DNAH3: variants seen among roughly 807,000 people sequenced by gnomAD.
The protein encoded by DNAH3 is dynein axonemal heavy chain 3, also known as axonemal beta dynein heavy chain 3.
A neutral mutation model predicts 432.5 loss-of-function variants in DNAH3; 332 were observed. The ratio of observed to expected loss-of-function variants is 0.77; its 90% CI spans 0.70 to 0.84. The LOEUF (loss-of-function observed/expected upper bound fraction) is 0.84. Among genes scored for constraint, DNAH3 ranks in the 40% least tolerant of loss-of-function variants. The pLI is 0.00. For synonymous variants in DNAH3, 1,956 were observed against 1,900.2 expected (o/e 1.03, Z -0.76); for missense variants, 4,861 against 5,114.0 (o/e 0.95, Z 1.51).
chr16:21,069,301 T>C (rs2090692381), intron 23 of DNAH3, 114 bp downstream of exon 23: 1 of 934,292 alleles, frequency 1.1e-6, no homozygotes, highest in Non-Finnish European at 1.7e-6. Context: ...TATAAAAAGA[T>C]TGATTTTCCA....
intron 3 of DNAH3, among the ~76,000 whole-genome samples, chr16:21,143,494 C>T (rs1367458451): frequency 2.0e-5 from 3 of 152,136 alleles, no homozygotes; most frequent in Non-Finnish European, 2.9e-5. Context: ...TTTACAGACT[C>T]CAGAACCACA....
At chr16:20,935,364 A>T (rs1338723158) in exon 61 of DNAH3, 1 of 1,613,854 alleles carries the variant, frequency 6.2e-7, no homozygotes, top group African/African-American at 1.3e-5. Context: ...CTCAAATCCA[A>T]TGTGGTCAAT....
At chr16:21,154,786 C>A (rs982495537) in intron 1 of DNAH3, among the ~76,000 whole-genome samples, 1 of 152,144 alleles carries the variant, frequency 6.6e-6, no homozygotes, top group Admixed American at 6.5e-5. Flanking sequence ...TACATGTAAT[C>A]TGAGGAAAGG....
At chr16:21,060,222 G>T in intron 26 of DNAH3, 42 bp downstream of exon 26, 1 of 1,486,372 alleles carries the variant, frequency 6.7e-7, no homozygotes, top group Non-Finnish European at 9.4e-7. Context: ...GTTCTCTTTA[G>T]TGCACTAGTG....
At chr16:21,105,683 T>C (rs2091929367) in intron 15 of DNAH3, among the ~76,000 whole-genome samples, 1 of 151,676 alleles carries the variant, frequency 6.6e-6, no homozygotes, top group South Asian at 2.1e-4. Flanking sequence ...TGAGAATTGA[T>C]GGACCCTGAG....
intron 52 of DNAH3, 103 bp downstream of exon 52, chr16:20,969,689 C>G (rs757740949): frequency 1.5e-6 from 2 of 1,298,626 alleles, no homozygotes; most frequent in Non-Finnish European, 2.2e-6. Context: ...ACTCAGTGAT[C>G]TTGCCTGCAC....
At chr16:21,157,284 C>G (rs1446242533) in intron 1 of DNAH3, among the ~76,000 whole-genome samples, 1 of 151,546 alleles carries the variant, frequency 6.6e-6, no homozygotes, top group African/African-American at 2.4e-5. Context: ...AAGTTCTCGA[C>G]AGCCACAGCC....
exon 53 of DNAH3, chr16:20,964,098 A>T: frequency 6.2e-7 from 1 of 1,614,186 alleles, no homozygotes; most frequent in Non-Finnish European, 8.5e-7. Flanking sequence ...AGGAGGACAG[A>T]ACTTTGATGG....
chr16:20,943,233 A>C, intron 58 of DNAH3, among the ~76,000 whole-genome samples: 1 of 150,134 alleles, frequency 6.7e-6, no homozygotes. Context: ...GGTGCACGCC[A>C]CTGAGCTCAG....
At position 20,982,892 on chromosome 16, in the gene DNAH3, G is replaced by A. The variant is rs199823768; in HGVS notation, c.7688C>T (p.Ser2563Leu). The A allele has an allele frequency of 1.3e-4, 203 of 1,613,736 alleles. 1 individual carries two copies. The highest frequency in any genetic ancestry group is 1.7e-4 in the Middle Eastern group (1 of 6,056). ...ATCCCCTATTGGACTCATGGCTAAT[G>A]AAAAGGAGATTTTGTTAATTACCTT... The change falls in exon 49 of 62, where the codon TCA (serine) becomes TTA (leucine). Residue 2563 changes from serine to leucine, a missense_variant. Physicochemically the swap from Ser to Leu is moderately radical, Grantham distance 145. Coordinates refer to ENST00000261383, the Ensembl canonical transcript of DNAH3.
chr16:21,103,925 T>C (rs2091893192), intron 16 of DNAH3: 1 of 152,520 alleles, frequency 6.6e-6, no homozygotes. Context: ...AAAATCTTTA[T>C]TTAGCAGCCA....
chr16:21,088,759 T>C (rs1264732159), intron 18 of DNAH3, among the ~76,000 whole-genome samples: 2 of 152,168 alleles, frequency 1.3e-5, no homozygotes, highest in Non-Finnish European at 2.9e-5. Flanking sequence ...ATATGGAGGT[T>C]GCAGGAAATA....
intron 49 of DNAH3, among the ~76,000 whole-genome samples, chr16:20,980,915 C>T (rs1423771210): frequency 6.6e-6 from 1 of 152,170 alleles, no homozygotes; most frequent in Non-Finnish European, 1.5e-5. Flanking sequence ...AGTTACTCAA[C>T]TCTGCCATTT....
chr16:21,080,866 A>G (rs771487776), intron 20 of DNAH3, among the ~76,000 whole-genome samples: 1 of 151,972 alleles, frequency 6.6e-6, no homozygotes, highest in Non-Finnish European at 1.5e-5. Flanking sequence ...TCACACACAA[A>G]CTCCAGGGGA....
At chr16:21,051,864 G>A (rs573554363) in exon 29 of DNAH3, 71 of 1,614,120 alleles carry the variant, frequency 4.4e-5, no homozygotes, top group African/African-American at 2.3e-4. Flanking sequence ...CCACCACGTC[G>A]CGGGCTGTTG....
exon 53 of DNAH3, chr16:20,964,488 T>C: frequency 6.2e-7 from 1 of 1,614,218 alleles, no homozygotes; most frequent in Non-Finnish European, 8.5e-7. Context: ...CATCCAGCTC[T>C]TCTCCAATGT....
chr16:21,035,535 T>G (rs72780840), intron 35 of DNAH3, among the ~76,000 whole-genome samples: 1 of 150,950 alleles, frequency 6.6e-6, no homozygotes, highest in Non-Finnish European at 1.5e-5. Context: ...AAAAGTAAGA[T>G]GGATGGATGG....
chr16:21,122,243 T>C (rs1243527319), intron 9 of DNAH3, 119 bp from the exon 11 acceptor site: 5 of 808,104 alleles, frequency 6.2e-6, no homozygotes, highest in African/African-American at 3.4e-5. Flanking sequence ...AAGGGCATCA[T>C]ACACTGTTTA....
intron 20 of DNAH3, among the ~76,000 whole-genome samples, chr16:21,078,046 CAGGTGA>C (rs1472166891): frequency 6.6e-6 from 1 of 152,110 alleles, no homozygotes; most frequent in Non-Finnish European, 1.5e-5. Flanking sequence ...GAGGCCAAGG[CAGGTGA>C]ATCACCTGAG....
Sources: gnomAD v4.1 joint callset for allele counts (sites outside exome capture counted in the v4.1 genomes callset) on GRCh38, gnomAD v4.1.1 for gene constraint, MANE v1.5 for transcripts, NCBI Gene and HGNC (gene_info 2026-07-23, HGNC 2026-07-21) for gene names.